Variants in CFAP210 observed in about 807,000 individuals in gnomAD.
CFAP210 encodes the protein cilia- and flagella- associated protein 210.
chr2:169,669,753 C>T, the CFAP210 span, among the ~76,000 whole-genome samples: 34 of 142,650 alleles, frequency 2.4e-4, no homozygotes, highest in African/African-American at 3.2e-4. Flanking sequence ...CCAGTCTGGG[C>T]GACACAGCGA....
chr2:169,679,641 ACTGCACT>A, the CFAP210 span, among the ~76,000 whole-genome samples: 1 of 133,954 alleles, frequency 7.5e-6, no homozygotes, highest in African/African-American at 2.8e-5. Flanking sequence ...AGATTGCCCC[ACTGCACT>A]CTAGCCTGGG....
At chr2:169,678,341 CAA>C in the CFAP210 span, among the ~76,000 whole-genome samples, 1,329 of 88,052 alleles carry the variant, frequency 0.015, 5 homozygotes, top group Middle Eastern at 0.023. Context: ...AACTCTGTTG[CAA>C]AAAAAAAAAA....
the CFAP210 span, among the ~76,000 whole-genome samples, chr2:169,666,677 T>C: frequency 5.3e-5 from 8 of 152,074 alleles, no homozygotes; most frequent in African/African-American, 9.7e-5. Flanking sequence ...GCCATATTCA[T>C]TGACTCTTCA....
At chr2:169,680,395 C>T in the CFAP210 span, among the ~76,000 whole-genome samples, 1 of 152,172 alleles carries the variant, frequency 6.6e-6, no homozygotes, top group Non-Finnish European at 1.5e-5. Context: ...AGCTATTCTA[C>T]ACGAAGATAT....
chr2:169,667,152 T>C, the CFAP210 span, among the ~76,000 whole-genome samples: 1 of 151,416 alleles, frequency 6.6e-6, no homozygotes, highest in Non-Finnish European at 1.5e-5. Context: ...CTTTTTTTTT[T>C]TTTTTGATGG....
chr2:169,645,951 G>A, the CFAP210 span: 1 of 1,613,862 alleles, frequency 6.2e-7, no homozygotes, highest in South Asian at 1.1e-5. Flanking sequence ...TGATAGCTGG[G>A]TCTTAATCCA....
the CFAP210 span, chr2:169,681,217 T>C: frequency 6.2e-7 from 1 of 1,609,374 alleles, no homozygotes. Flanking sequence ...CTTGATCTTC[T>C]TCAGAGTTTC....
chr2:169,675,965 C>A, the CFAP210 span, among the ~76,000 whole-genome samples: 1 of 152,226 alleles, frequency 6.6e-6, no homozygotes, highest in Middle Eastern at 3.4e-3. Context: ...ACTCTGATAT[C>A]CTGAAGATAT....
At chr2:169,680,892 G>A in the CFAP210 span, 27,964 of 766,494 alleles carry the variant, frequency 0.036, 702 homozygotes, top group East Asian at 0.11. Context: ...AATATGTTTC[G>A]ATGCATTTTT....
chr2:169,650,971 G>A, the CFAP210 span, among the ~76,000 whole-genome samples: 2 of 151,876 alleles, frequency 1.3e-5, no homozygotes, highest in African/African-American at 2.4e-5. Context: ...GCTCATACCT[G>A]TAATCCCAGC....
the CFAP210 span, chr2:169,650,539 TACTC>T: frequency 1.3e-6 from 2 of 1,482,892 alleles, no homozygotes; most frequent in Non-Finnish European, 1.8e-6. Flanking sequence ...AAAATAACCA[TACTC>T]GTCAAATCTT....
At chr2:169,691,281 A>G in the CFAP210 span, among the ~76,000 whole-genome samples, 1 of 152,272 alleles carries the variant, frequency 6.6e-6, no homozygotes, top group East Asian at 1.9e-4. Flanking sequence ...TTTTTTAAAT[A>G]TTCATTGATA....
At chr2:169,655,741 C>A in the CFAP210 span, among the ~76,000 whole-genome samples, 3 of 152,138 alleles carry the variant, frequency 2.0e-5, no homozygotes, top group African/African-American at 7.2e-5. Context: ...TACTTGGAGA[C>A]ATAAAAATTA....
chr2:169,667,449 T>C, the CFAP210 span, among the ~76,000 whole-genome samples: 1 of 152,176 alleles, frequency 6.6e-6, no homozygotes, highest in Non-Finnish European at 1.5e-5. Flanking sequence ...CAAATGTTCT[T>C]AATGGCAACT....
At chr2:169,685,228 C>G in the CFAP210 span, among the ~76,000 whole-genome samples, 1 of 152,210 alleles carries the variant, frequency 6.6e-6, no homozygotes. Context: ...TTTCCACTAA[C>G]AACATACGAA....
the CFAP210 span, among the ~76,000 whole-genome samples, chr2:169,669,416 A>G: frequency 6.6e-6 from 1 of 152,242 alleles, no homozygotes; most frequent in Admixed American, 6.5e-5. Flanking sequence ...TAGAATAATA[A>G]TATGATCAAT....
At chr2:169,684,723 G>C in the CFAP210 span, among the ~76,000 whole-genome samples, 1 of 152,076 alleles carries the variant, frequency 6.6e-6, no homozygotes. Context: ...GCACAATCTC[G>C]GTTCACTGCA....
the CFAP210 span, among the ~76,000 whole-genome samples, chr2:169,660,247 G>T: frequency 6.6e-6 from 1 of 151,756 alleles, no homozygotes; most frequent in Non-Finnish European, 1.5e-5. Flanking sequence ...AAAATTAGCT[G>T]AGCGTGGTGG....
At chr2:169,676,840 T>C in the CFAP210 span, among the ~76,000 whole-genome samples, 1 of 152,130 alleles carries the variant, frequency 6.6e-6, no homozygotes, top group Non-Finnish European at 1.5e-5. Flanking sequence ...TTTATGCCTA[T>C]CTGTAGTTTT....
Sources: allele counts gnomAD v4.1 joint callset (sites outside exome capture counted in the v4.1 genomes callset), GRCh38; gene constraint gnomAD v4.1.1; transcripts MANE v1.5; gene names NCBI Gene and HGNC (gene_info 2026-07-23, HGNC 2026-07-21).